SLC35D1: variants seen among roughly 807,000 people sequenced by gnomAD.
SLC35D1 encodes nucleotide sugar transporter SLC35D1.
A neutral mutation model predicts 46.7 loss-of-function variants in SLC35D1; 31 were observed. That is an observed-to-expected ratio of 0.66 (90% confidence interval 0.50 to 0.90). SLC35D1 has a LOEUF of 0.90. Among genes scored for constraint, SLC35D1 ranks in the 40% least tolerant of loss-of-function variants. The pLI is 0.00. For synonymous variants in SLC35D1, 195 were observed against 164.6 expected (o/e 1.18, Z -1.41); for missense variants, 397 against 426.2 (o/e 0.93, Z 0.60).
the SLC35D1 span, among the ~76,000 whole-genome samples, chr1:66,978,051 G>A: frequency 2.0e-5 from 3 of 151,908 alleles, no homozygotes; most frequent in Non-Finnish European, 4.4e-5. Context: ...ACAAAAATTA[G>A]CTGATGTGGT....
At chr1:66,986,060 G>T in the SLC35D1 span, 1 of 1,016,860 alleles carries the variant, frequency 9.8e-7, no homozygotes, top group South Asian at 4.3e-5. Context: ...ACAGAGGAGG[G>T]GGGTCAAGTG....
chr1:66,985,010 GAA>G, the SLC35D1 span: 86 of 1,420,044 alleles, frequency 6.1e-5, no homozygotes, highest in Non-Finnish European at 7.8e-5. Flanking sequence ...TTGAAAATTT[GAA>G]TTGAGTCTTA....
intron 8 of SLC35D1, among the ~76,000 whole-genome samples, chr1:67,031,192 CT>C (rs987024354): frequency 2.6e-5 from 4 of 151,468 alleles, no homozygotes; most frequent in Admixed American, 1.3e-4. Context: ...TCTCATGGGA[CT>C]TTTTTTTTAT....
At position 67,033,521 on chromosome 1, in the gene SLC35D1, A is replaced by G. The variant is rs1250276202; in HGVS notation, c.729+8715T>C. 4.6e-5 allele frequency among the ~76,000 whole-genome samples: 7 copies of G among 152,216 alleles called. No individual in the cohort carries two copies. In the South Asian group the frequency reaches 1.2e-3, roughly 27 times the overall value. ...TTGTATATGACTGTTTGCCATCTGT[A>G]TGTCTTCTTTTGAGAAATGTCTACT... On this transcript the variant is annotated intron_variant, in intron 8 of 11. Coordinates refer to ENST00000235345, the MANE Select transcript of SLC35D1 (RefSeq NM_015139.3).
At chr1:67,044,786 A>G (rs1570641532) in intron 7 of SLC35D1, among the ~76,000 whole-genome samples, 2 of 152,356 alleles carry the variant, frequency 1.3e-5, no homozygotes, top group East Asian at 3.9e-4. Context: ...TACTCAATGG[A>G]CTATAATTGT....
intron 7 of SLC35D1, among the ~76,000 whole-genome samples, chr1:67,045,828 T>C (rs1018561572): frequency 3.3e-5 from 5 of 152,192 alleles, no homozygotes; most frequent in African/African-American, 1.2e-4. Context: ...AAAGCAGAAA[T>C]ATAAATTTCC....
intron 8 of SLC35D1, among the ~76,000 whole-genome samples, chr1:67,036,411 G>A (rs1668124035): frequency 6.6e-6 from 1 of 151,882 alleles, no homozygotes; most frequent in South Asian, 2.1e-4. Context: ...CATTTATTTG[G>A]TTAATTTAAG....
chr1:66,984,860 C>A, the SLC35D1 span: 1 of 1,598,188 alleles, frequency 6.3e-7, no homozygotes, highest in Non-Finnish European at 8.5e-7. Context: ...GAAGCAGTCT[C>A]ACATGGGAAA....
At chr1:67,021,724 GACACACACAC>G (rs35069681) in intron 8 of SLC35D1, 122 bp from the exon 9 acceptor site, 24 of 422,744 alleles carry the variant, frequency 5.7e-5, no homozygotes, top group Admixed American at 1.1e-4. Flanking sequence ...CACAGACACA[GACACACACAC>G]ACACACACAC....
the SLC35D1 span, among the ~76,000 whole-genome samples, chr1:66,975,971 C>G: frequency 6.7e-6 from 1 of 149,884 alleles, no homozygotes; most frequent in Non-Finnish European, 1.5e-5. Context: ...AACATGAATG[C>G]CACTTCCAGG....
intron 10 of SLC35D1, among the ~76,000 whole-genome samples, chr1:67,011,618 G>C (rs549978285): frequency 9.3e-4 from 141 of 152,226 alleles, no homozygotes; most frequent in African/African-American, 3.2e-3. Flanking sequence ...AAGCAGCTGG[G>C]ACCACAGGTG....
the SLC35D1 span, among the ~76,000 whole-genome samples, chr1:66,980,596 A>C: frequency 6.6e-6 from 1 of 152,274 alleles, no homozygotes; most frequent in South Asian, 2.1e-4. Flanking sequence ...TTTCCTTCTT[A>C]TTTACCCTGC....
the SLC35D1 span, chr1:66,988,362 A>AAT: frequency 6.6e-6 from 1 of 152,408 alleles, no homozygotes; most frequent in Non-Finnish European, 1.5e-5. Flanking sequence ...TCCTTTGCAG[A>AAT]ATCTTAAAGG....
intron 10 of SLC35D1, among the ~76,000 whole-genome samples, 197 bp from the exon 11 acceptor site, chr1:67,009,364 C>T (rs962882179): frequency 1.3e-5 from 2 of 152,134 alleles, no homozygotes; most frequent in African/African-American, 4.8e-5. Flanking sequence ...TCTTCCCAAT[C>T]GATTTCTCCA....
At chr1:66,973,042 C>G in the SLC35D1 span, 1 of 932,994 alleles carries the variant, frequency 1.1e-6, no homozygotes, top group Non-Finnish European at 1.7e-6. Context: ...TTGAACAACT[C>G]AAATGGTCAT....
chr1:67,009,960 T>G (rs1667529581), intron 10 of SLC35D1, among the ~76,000 whole-genome samples: 1 of 152,084 alleles, frequency 6.6e-6, no homozygotes, highest in African/African-American at 2.4e-5. Flanking sequence ...ATGGACTGGA[T>G]TAAGAAAATG....
At chr1:67,038,259 T>C (rs981188407) in intron 8 of SLC35D1, among the ~76,000 whole-genome samples, 1 of 152,158 alleles carries the variant, frequency 6.6e-6, no homozygotes, top group Non-Finnish European at 1.5e-5. Context: ...TGAATAACTC[T>C]AAACAGGCTA....
At position 67,052,009 on chromosome 1, in the gene SLC35D1, T is replaced by C. The variant is rs369408014; in HGVS notation, c.392+3A>G. 1 of 1,586,494 alleles carries C rather than the reference T, an allele frequency of 6.3e-7. No individual in the cohort carries two copies. The highest frequency in any genetic ancestry group is 8.7e-7 in the Non-Finnish European group (1 of 1,155,000). On this transcript the variant is annotated splice_donor_region_variant and intron_variant, in intron 4 of 11. Coordinates refer to ENST00000235345, the MANE Select transcript of SLC35D1 (RefSeq NM_015139.3). ...CTCACTAGTAAAATAAAGTTATCCATACTTCAGTTTCTTTGTGCTGAACAG... is the reference window on the plus strand; with the variant it reads ...CTCACTAGTAAAATAAAGTTATCCACACTTCAGTTTCTTTGTGCTGAACAG...
intron 8 of SLC35D1, among the ~76,000 whole-genome samples, chr1:67,038,895 A>AAGACCTCG (rs1373473794): frequency 6.6e-6 from 1 of 151,828 alleles, no homozygotes; most frequent in East Asian, 1.9e-4. Context: ...ATGCTTTGCC[A>AAGACCTCG]AGACCTTGCA....
Sources: allele counts gnomAD v4.1 joint callset (sites outside exome capture counted in the v4.1 genomes callset), GRCh38; gene constraint gnomAD v4.1.1; transcripts MANE v1.5; gene names NCBI Gene and HGNC (gene_info 2026-07-23, HGNC 2026-07-21).